MGLL: variants seen among roughly 807,000 people sequenced by gnomAD.
MGLL encodes monoglyceride lipase, also known as lysophospholipase homolog.
A neutral mutation model predicts 29.1 loss-of-function variants in MGLL; 7 were observed. The observed-to-expected ratio is 0.24, with a 90% CI of 0.14 to 0.45. The LOEUF (loss-of-function observed/expected upper bound fraction) is 0.45, where lower values mean the gene tolerates loss of function less well. MGLL is among the 20% of genes least tolerant of loss of function. The pLI is 0.99. For synonymous variants in MGLL, 148 were observed against 168.3 expected (o/e 0.88, Z 0.93); for missense variants, 356 against 413.6 (o/e 0.86, Z 1.21).
At chr3:127,779,762 G>A (rs1282881229) in intron 3 of MGLL, among the ~76,000 whole-genome samples, 2 of 152,004 alleles carry the variant, frequency 1.3e-5, no homozygotes, top group Non-Finnish European at 2.9e-5. Context: ...GTTTGACCTG[G>A]GTTCAAATCC....
At chr3:127,767,968 A>T (rs888341053) in intron 3 of MGLL, among the ~76,000 whole-genome samples, 2 of 152,220 alleles carry the variant, frequency 1.3e-5, no homozygotes, top group Admixed American at 1.3e-4. Flanking sequence ...ATAGATTAGG[A>T]AACCAAAGCT....
chr3:127,806,492 G>A (rs1044652632), intron 2 of MGLL, among the ~76,000 whole-genome samples: 1 of 152,092 alleles, frequency 6.6e-6, no homozygotes, highest in African/African-American at 2.4e-5. Flanking sequence ...TGTATGGGGT[G>A]GGTGGATGGA....
At chr3:127,722,663 G>A in intron 3 of MGLL, 97 bp from the exon 4 acceptor site, 1 of 1,528,142 alleles carries the variant, frequency 6.5e-7, no homozygotes. Context: ...TCTCTCCTGA[G>A]CGCCTGAATG....
chr3:127,762,526 G>A (rs900954016), intron 3 of MGLL, among the ~76,000 whole-genome samples: 2 of 152,120 alleles, frequency 1.3e-5, no homozygotes, highest in Non-Finnish European at 2.9e-5. Context: ...TTTAATTTAC[G>A]AAATGGGTGG....
chr3:127,697,806 C>T (rs1327944339), intron 6 of MGLL, among the ~76,000 whole-genome samples: 9 of 152,230 alleles, frequency 5.9e-5, no homozygotes, highest in Admixed American at 5.9e-4. Flanking sequence ...CTTGGTTAAG[C>T]TGCTGTTGTT....
chr3:127,782,632 A>G (rs745798633), intron 2 of MGLL, among the ~76,000 whole-genome samples: 2 of 152,022 alleles, frequency 1.3e-5, no homozygotes, highest in Non-Finnish European at 2.9e-5. Flanking sequence ...AAACTATCCA[A>G]TTTTCAAGAC....
At chr3:127,750,908 T>C (rs1215156667) in intron 3 of MGLL, among the ~76,000 whole-genome samples, 1 of 152,222 alleles carries the variant, frequency 6.6e-6, no homozygotes, top group East Asian at 1.9e-4. Flanking sequence ...TAATTGGAGT[T>C]AGTGCCTTCA....
chr3:127,747,877 T>G (rs2076478324), intron 3 of MGLL, among the ~76,000 whole-genome samples: 1 of 152,114 alleles, frequency 6.6e-6, no homozygotes, highest in African/African-American at 2.4e-5. Flanking sequence ...CACAAACAAG[T>G]GACTCAGCCA....
chr3:127,760,563 C>T (rs920254976), intron 3 of MGLL, among the ~76,000 whole-genome samples: 9 of 152,346 alleles, frequency 5.9e-5, no homozygotes, highest in East Asian at 1.9e-4. Context: ...GGAGCTGGCA[C>T]GGCACCCCTG....
At chr3:127,746,852 T>A (rs2076455271) in intron 3 of MGLL, among the ~76,000 whole-genome samples, 1 of 151,922 alleles carries the variant, frequency 6.6e-6, no homozygotes, top group Non-Finnish European at 1.5e-5. Context: ...ATCCACCCAG[T>A]CCATGGGCCT....
intron 3 of MGLL, among the ~76,000 whole-genome samples, chr3:127,772,354 C>G (rs1348015124): frequency 6.6e-6 from 1 of 152,128 alleles, no homozygotes; most frequent in Non-Finnish European, 1.5e-5. Flanking sequence ...TATTGTTAGC[C>G]CATTTTACAG....
intron 2 of MGLL, among the ~76,000 whole-genome samples, chr3:127,803,575 T>C (rs572272047): frequency 1.5e-4 from 23 of 152,200 alleles, no homozygotes; most frequent in Admixed American, 3.3e-4. Context: ...TGCATATATG[T>C]CAGGGCAAAA....
At chr3:127,717,998 T>G (rs1265094657) in intron 5 of MGLL, among the ~76,000 whole-genome samples, 1 of 152,200 alleles carries the variant, frequency 6.6e-6, no homozygotes, top group African/African-American at 2.4e-5. Flanking sequence ...CGAAACCACT[T>G]TCTCAGCAGA....
chr3:127,700,669 A>G (rs1260545845), intron 6 of MGLL, among the ~76,000 whole-genome samples: 2 of 152,208 alleles, frequency 1.3e-5, no homozygotes, highest in Non-Finnish European at 2.9e-5. Flanking sequence ...ACCTTTGGGT[A>G]CTGAGAGGCC....
At position 127,822,335 on chromosome 3, in the gene MGLL, C is replaced by A; in HGVS notation, c.-17G>T. On this transcript the variant is annotated 5_prime_UTR_variant, in exon 1 of 8. It removes an upstream start codon present in the reference 5' UTR. Transcript: ENST00000265052. ...TGTTTCCATTATGTGCTGGCGTTTGCATTCCACAACCACGACAGCCTGGAG... is the reference window on the plus strand; with the variant it reads ...TGTTTCCATTATGTGCTGGCGTTTGAATTCCACAACCACGACAGCCTGGAG... The A allele has an allele frequency of 6.2e-7, 1 of 1,613,704 alleles. No individual in the cohort carries two copies. Among genetic ancestry groups the A allele is most frequent in the Non-Finnish European group, 8.5e-7 (1 of 1,179,622 alleles).
intron 3 of MGLL, among the ~76,000 whole-genome samples, chr3:127,739,671 G>A (rs2076301366): frequency 6.6e-6 from 1 of 152,214 alleles, no homozygotes; most frequent in South Asian, 2.1e-4. Context: ...CTGCAAACCG[G>A]CCATGCTGGT....
intron 3 of MGLL, among the ~76,000 whole-genome samples, chr3:127,723,749 A>G (rs1426012403): frequency 1.3e-5 from 2 of 152,252 alleles, no homozygotes; most frequent in Non-Finnish European, 2.9e-5. Context: ...AGTGGCATCA[A>G]CATTATTGTG....
chr3:127,778,485 C>A (rs756224610), intron 3 of MGLL, among the ~76,000 whole-genome samples: 1 of 152,304 alleles, frequency 6.6e-6, no homozygotes, highest in African/African-American at 2.4e-5. Context: ...GCAGATCACA[C>A]GGCTTGGACT....
chr3:127,817,011 C>T (rs955398501), intron 2 of MGLL, among the ~76,000 whole-genome samples: 1 of 152,220 alleles, frequency 6.6e-6, no homozygotes, highest in Non-Finnish European at 1.5e-5. Flanking sequence ...ACCCTGGCCC[C>T]GAGGCAGCTC....
Sources: gnomAD v4.1 joint callset for allele counts (sites outside exome capture counted in the v4.1 genomes callset) on GRCh38, gnomAD v4.1.1 for gene constraint, MANE v1.5 for transcripts, NCBI Gene and HGNC (gene_info 2026-07-23, HGNC 2026-07-21) for gene names.